The following FMO5 variants were observed in gnomAD, a reference collection of about 807,000 sequenced individuals.
FMO5 encodes flavin containing dimethylaniline monoxygenase 5, also known as flavin-containing monooxygenase 5.
FMO5 carries 51 observed loss-of-function variants against 43.6 expected under a neutral mutation model. That is an observed-to-expected ratio of 1.17 (90% CI 0.93 to 1.48). The LOEUF is 1.48. Among genes scored for constraint, FMO5 ranks in the 40% most tolerant of loss-of-function variants. The pLI is 0.00. For synonymous variants in FMO5, 187 were observed against 216.5 expected, an observed-to-expected ratio of 0.86 and a Z score of 1.20; for missense variants, 644 against 643.0, an observed-to-expected ratio of 1.00 and a Z score of -0.02.
Position 147,187,142 on chromosome 1 carries a change from A to G in FMO5, c.1360T>C (p.Phe454Leu). The G allele has an allele frequency of 1.2e-6, 2 of 1,614,176 alleles. No homozygotes were observed. Among genetic ancestry groups the G allele is most frequent in the Non-Finnish European group, 8.5e-7 (1 of 1,180,030 alleles). The change falls in exon 9 of 9, where the codon TTC becomes CTC. Residue 454 changes from phenylalanine to leucine, a missense_variant. Coordinates refer to ENST00000254090, the MANE Select transcript of FMO5 (RefSeq NM_001461.4). ...GVRPNLLSLA[F>L]TDPKLALHLL... ...TGTAATGCCAGCTTGGGGTCAGTGAAGGCCAGAGACAGCAGATTGGGCCTG... is the reference window on the plus strand; with the variant it reads ...TGTAATGCCAGCTTGGGGTCAGTGAGGGCCAGAGACAGCAGATTGGGCCTG...
Position 147,186,596 on chromosome 1 carries a change from T to A in FMO5, c.*304A>T. ...AATTTGATAAACAACAAACATTTAT[T>A]AAGCACCTACCACATGTCAAGAACT... On this transcript the variant is annotated 3_prime_UTR_variant, in exon 9 of 9. Coordinates refer to ENST00000254090, the MANE Select transcript of FMO5 (RefSeq NM_001461.4). 1 of 1,074,810 alleles carries A rather than the reference T, an allele frequency of 9.3e-7. No individual in the cohort carries two copies. The highest frequency in any genetic ancestry group is 1.1e-6 in the Non-Finnish European group (1 of 888,874). The allele number at this position is 1,074,810 out of a possible 1,614,324, so 66.6% of individuals were successfully genotyped here.
intron 8 of FMO5, 78 bp from the exon 9 acceptor site, chr1:147,187,323 C>T (rs750470705): frequency 2.1e-5 from 21 of 994,936 alleles, no homozygotes; most frequent in Non-Finnish European, 3.1e-5. Context: ...TTCTGAGTGC[C>T]TGCTATTGGC....
chr1:147,226,352 T>C (rs1333228447), upstream of FMO5, among the ~76,000 whole-genome samples: 6 of 152,084 alleles, frequency 3.9e-5, no homozygotes, highest in African/African-American at 1.2e-4. Flanking sequence ...TGGAGTATAG[T>C]GAGGAATGTA....
At chr1:147,225,354 G>T, upstream of FMO5, 1 of 312,592 alleles carries the variant, frequency 3.2e-6, no homozygotes, top group Non-Finnish European at 5.9e-6. Context: ...GGCGGCTGTT[G>T]TCAAATTACT....
intron 2 of FMO5, among the ~76,000 whole-genome samples, chr1:147,218,828 T>A (rs191107177): frequency 1.2e-4 from 18 of 152,314 alleles, no homozygotes; most frequent in African/African-American, 4.1e-4. Flanking sequence ...ATCTGGAAAA[T>A]TTCCTGTCCT....
At chr1:147,214,272 C>T (rs899137040) in intron 3 of FMO5, among the ~76,000 whole-genome samples, 59 of 151,790 alleles carry the variant, frequency 3.9e-4, no homozygotes, top group Admixed American at 3.0e-3. Flanking sequence ...GCCAACATGG[C>T]GAAACCCCGT....
Position 147,186,473 on chromosome 1 carries a change from A to G in FMO5, c.*427T>C. 1.0e-6 allele frequency: 1 copy of G among 964,632 alleles called. No individual in the cohort carries two copies. Among genetic ancestry groups the G allele is most frequent in the Non-Finnish European group, 1.2e-6 (1 of 810,316 alleles). The allele number at this position is 964,632 out of a possible 1,614,324, so 59.8% of individuals were successfully genotyped here. ...TTTAGTTATAATATGAAAAAAAACT[A>G]AAATTGAGCTTCTAATAGAAAATCA... On this transcript the variant is annotated 3_prime_UTR_variant, in exon 9 of 9. Coordinates refer to ENST00000254090, the MANE Select transcript of FMO5 (RefSeq NM_001461.4).
At position 147,187,169 on chromosome 1, in the gene FMO5, C is replaced by A; in HGVS notation, c.1333G>T (p.Val445Phe). 4 of 1,614,056 alleles carry A rather than the reference C, an allele frequency of 2.5e-6. No homozygotes were observed. Among genetic ancestry groups the A allele is most frequent in the Non-Finnish European group, 2.5e-6 (3 of 1,179,998 alleles). Residue 445 changes from valine (V) to phenylalanine (F), a missense_variant, in exon 9 of 9, where the codon GTC (valine) becomes TTC (phenylalanine). By Grantham distance (50) the Val-to-Phe change is conservative. Transcript: ENST00000254090. ...TMEELADLVG[V>F]RPNLLSLAFT... Reference sequence around the variant, plus strand: ...GCCAGAGACAGCAGATTGGGCCTGACCCCCACCAAATCAGCAAGCTCTTCC... The same window carrying A: ...GCCAGAGACAGCAGATTGGGCCTGAACCCCACCAAATCAGCAAGCTCTTCC...
chr1:147,204,869 A>G, intron 6 of FMO5: 1 of 1,594,940 alleles, frequency 6.3e-7, no homozygotes, highest in East Asian at 2.2e-5. Flanking sequence ...AATTCTGAAA[A>G]GTGTTTCGCT....
Position 147,186,878 on chromosome 1 carries a change from CAG to C in FMO5, c.*20_*21del. On this transcript the variant is annotated 3_prime_UTR_variant, in exon 9 of 9. Coordinates refer to ENST00000254090, the MANE Select transcript of FMO5 (RefSeq NM_001461.4). ...TGTAGATAAGCTTCCCAATGAAAAA[CAG>C]GGCAGTGACAATAGGACAACTAGAA... 1 of 1,589,288 alleles carries C rather than the reference CAG, an allele frequency of 6.3e-7. No homozygotes were observed. Among genetic ancestry groups the C allele is most frequent in the East Asian group, 2.2e-5 (1 of 44,658 alleles).
chr1:147,191,517 T>G (rs1656806057), intron 7 of FMO5, among the ~76,000 whole-genome samples: 1 of 148,330 alleles, frequency 6.7e-6, no homozygotes, highest in Non-Finnish European at 1.5e-5. Flanking sequence ...CTTTGCCCAC[T>G]TTTTGATGGG....
Position 147,186,318 on chromosome 1 carries a change from A to C in FMO5, c.*582T>G. On this transcript the variant is annotated 3_prime_UTR_variant, in exon 9 of 9. Transcript: ENST00000254090. The stretch of plus-strand genomic sequence containing the variant: ...ACATGGTTCCTAAGGAAAAGGGCTA[A>C]AAATGACCATGTTTCAAGTACACTA... 1 of 982,434 alleles carries C rather than the reference A, an allele frequency of 1.0e-6. No homozygotes were observed. Among genetic ancestry groups the C allele is most frequent in the Non-Finnish European group, 1.2e-6 (1 of 827,174 alleles). The allele number at this position is 982,434 out of a possible 1,614,324, so 60.9% of individuals were successfully genotyped here. A position where few individuals can be genotyped will look rare whatever the true frequency, so the allele number is the denominator to read the frequency against.
downstream of FMO5, among the ~76,000 whole-genome samples, chr1:147,184,976 A>ATC (rs1204541972): frequency 7.6e-6 from 1 of 131,202 alleles, no homozygotes. This position sits in a 1 kb window ranked among gnomAD's most constrained non-coding sequence, Gnocchi z 4.4. Flanking sequence ...CACTACAAGA[A>ATC]TATATATATA....
Position 147,186,988 on chromosome 1 carries a change from T to C in FMO5, c.1514A>G (p.Glu505Gly). Residue 505 changes from glutamate to glycine, a missense_variant, in exon 9 of 9, where the codon GAA becomes GGA. Coordinates refer to ENST00000254090, the MANE Select transcript of FMO5 (RefSeq NM_001461.4). ...IRKPLMTRVV[E>G]RSSSMTSTMT... ...TGTTGAAGTCATAGAACTACTCCTT[T>C]CAACTACTCTTGTCATCAGAGGCTT... is the stretch of plus-strand genomic sequence containing the variant. The C allele has an allele frequency of 6.2e-7, 1 of 1,614,176 alleles. No individual in the cohort carries two copies. Among genetic ancestry groups the C allele is most frequent in the Non-Finnish European group, 8.5e-7 (1 of 1,180,016 alleles).
At chr1:147,201,618 G>C in intron 6 of FMO5, 114 bp from the exon 7 acceptor site, 1 of 726,454 alleles carries the variant, frequency 1.4e-6, no homozygotes, top group Non-Finnish European at 2.3e-6. Flanking sequence ...CTTCCCCTTG[G>C]TCTATGCATG....
intron 2 of FMO5, chr1:147,224,052 T>C (rs1663557437): frequency 5.1e-6 from 2 of 395,554 alleles, no homozygotes; most frequent in South Asian, 3.8e-5. Context: ...ATCGAGCTGG[T>C]TGTCTTCCTG....
chr1:147,191,592 T>C (rs782376277), intron 7 of FMO5, among the ~76,000 whole-genome samples: 2 of 152,020 alleles, frequency 1.3e-5, no homozygotes, highest in Non-Finnish European at 2.9e-5. Flanking sequence ...TAGCCCTTTG[T>C]CAGATGAGTA....
intron 8 of FMO5, among the ~76,000 whole-genome samples, chr1:147,188,289 G>C (rs1160112231): frequency 5.3e-5 from 8 of 151,990 alleles, no homozygotes; most frequent in African/African-American, 1.7e-4. Context: ...TTGGGAGGCC[G>C]AGGCAGGCGG....
At chr1:147,191,455 T>C (rs1656783771) in intron 7 of FMO5, among the ~76,000 whole-genome samples, 1 of 152,172 alleles carries the variant, frequency 6.6e-6, no homozygotes, top group South Asian at 2.1e-4. Context: ...AATTTTTTCA[T>C]GTATTTTTTG....
Sources: allele counts gnomAD v4.1 joint callset (sites outside exome capture counted in the v4.1 genomes callset), GRCh38; gene constraint gnomAD v4.1.1; non-coding constraint Gnocchi (gnomAD v3.1); transcripts MANE v1.5; gene names NCBI Gene and HGNC (gene_info 2026-07-23, HGNC 2026-07-21).